TTC17: variants seen among roughly 807,000 people sequenced by gnomAD.
TTC17 encodes the protein tetratricopeptide repeat domain 17.
A neutral mutation model predicts 143.8 loss-of-function variants in TTC17; 58 were observed. That is an observed-to-expected ratio of 0.40 (90% CI 0.33 to 0.50). The LOEUF (loss-of-function observed/expected upper bound fraction) is 0.50, where lower values mean the gene tolerates loss of function less well. TTC17 is among the 20% of genes least tolerant of loss of function. The pLI is 0.49. For synonymous variants in TTC17, 501 were observed against 497.8 expected (o/e 1.01, Z -0.09); for missense variants, 1,273 against 1,392.5 (o/e 0.91, Z 1.37).
intron 15 of TTC17, among the ~76,000 whole-genome samples, chr11:43,408,235 T>G (rs1405930560): frequency 2.0e-5 from 3 of 152,350 alleles, no homozygotes; most frequent in Non-Finnish European, 4.4e-5. Flanking sequence ...TCTAAATGTT[T>G]ATAGGTTTTG....
In TTC17 at chr11:43,391,947, C is replaced by T; in HGVS notation, c.658C>T (p.Gln220Ter). Residue 220 changes from glutamine (Q) to a stop codon, truncating the protein, a stop_gained, in exon 5 of 24, where the codon CAG (glutamine) becomes TAG (stop). Coordinates refer to ENST00000039989, the MANE Select transcript of TTC17 (RefSeq NM_018259.6). LOFTEE classifies it high-confidence loss of function. ...DIGHLIHEGLQKNTSSWVLYN... is the reference protein window; with the variant it reads ...DIGHLIHEGL ...AGGTCACCTCATTCATGAAGGCCTA[C>T]AGAAGGTAAGTCATCAGTCACTTAA... 6.2e-7 allele frequency: 1 copy of T among 1,606,556 alleles called. No individual in the cohort carries two copies. Among genetic ancestry groups the T allele is most frequent in the Non-Finnish European group, 8.5e-7 (1 of 1,177,880 alleles).
intron 2 of TTC17, among the ~76,000 whole-genome samples, chr11:43,385,287 A>G (rs1022799514): frequency 2.6e-5 from 4 of 152,244 alleles, no homozygotes; most frequent in Non-Finnish European, 5.9e-5. Context: ...GTTTTCAAGT[A>G]GAATATTTAC....
intron 21 of TTC17, among the ~76,000 whole-genome samples, chr11:43,481,001 TA>T (rs1415925117): frequency 1.3e-5 from 2 of 151,836 alleles, no homozygotes; most frequent in Non-Finnish European, 2.9e-5. Flanking sequence ...TTTTTATGAC[TA>T]CATCTAAAAC....
At chr11:43,398,408 G>C (rs1179624163) in intron 8 of TTC17, among the ~76,000 whole-genome samples, 1 of 152,162 alleles carries the variant, frequency 6.6e-6, no homozygotes, top group East Asian at 1.9e-4. Context: ...CAGTTGGGGT[G>C]GGGAGACTGG....
Position 43,405,872 on chromosome 11 carries a change from A to G in TTC17, c.1682A>G (p.His561Arg), listed in dbSNP as rs762910948. Reference protein sequence around the residue: ...DCSITDFRKSHTLSYLVKELE... With the variant: ...DCSITDFRKSRTLSYLVKELE... ...TCCATAACTGACTTCAGAAAAAGCC[A>G]CACTCTGTCCTACTTAGTCAAAGAA... The change falls in exon 13 of 24, where the codon CAC becomes CGC. Residue 561 changes from histidine to arginine, a missense_variant. Physicochemically the swap from His to Arg is conservative, Grantham distance 29 (BLOSUM62 0). Around this residue, in one of 3 missense-constraint regions of TTC17, gnomAD observed 878 missense variants for 899.8 expected, o/e 0.98. Coordinates refer to ENST00000039989, the MANE Select transcript of TTC17 (RefSeq NM_018259.6). 3 of 1,613,968 alleles carry G rather than the reference A, an allele frequency of 1.9e-6. No individual in the cohort carries two copies. The highest frequency in any genetic ancestry group is 2.5e-6 in the Non-Finnish European group (3 of 1,179,958).
At chr11:43,456,982 A>AT (rs1429940858) in intron 21 of TTC17, among the ~76,000 whole-genome samples, 3 of 152,050 alleles carry the variant, frequency 2.0e-5, no homozygotes, top group Non-Finnish European at 2.9e-5. Context: ...CCATAAGCAT[A>AT]TGGCTTTTTC....
intron 16 of TTC17, among the ~76,000 whole-genome samples, chr11:43,429,313 G>C (rs1947099596): frequency 1.3e-5 from 2 of 152,166 alleles, no homozygotes; most frequent in Admixed American, 1.3e-4. Flanking sequence ...AGCCAAGGCA[G>C]GATTTGAATT....
intron 1 of TTC17, chr11:43,370,137 G>A (rs914806276): frequency 7.7e-5 from 35 of 454,030 alleles, no homozygotes; most frequent in Non-Finnish European, 1.0e-4. Context: ...TGCTATTTTT[G>A]CGAACCTGTA....
chr11:43,443,218 C>G, intron 16 of TTC17, 107 bp from the exon 17 acceptor site: 1 of 1,299,782 alleles, frequency 7.7e-7, no homozygotes, highest in Non-Finnish European at 1.1e-6. Flanking sequence ...TATAGTAGTG[C>G]CTCTAAGCAG....
At chr11:43,404,191 T>C in intron 11 of TTC17, 47 bp downstream of exon 11, 1 of 1,572,268 alleles carries the variant, frequency 6.4e-7, no homozygotes, top group South Asian at 1.2e-5. Flanking sequence ...ACTGGCAAGA[T>C]CCATTAAAGC....
Position 43,404,152 on chromosome 11 carries a change from A to T in TTC17, c.1479+8A>T, listed in dbSNP as rs1159740493. 6.3e-7 allele frequency: 1 copy of T among 1,598,534 alleles called. No homozygotes were observed. Among genetic ancestry groups the T allele is most frequent in the Admixed American group, 1.8e-5 (1 of 56,054 alleles). ...GACTCTGATGCATATAGGGTAAGTT[A>T]ATAGAGGATGACGAAGCAGTTTTCT... On this transcript the variant is annotated splice_region_variant and intron_variant, in intron 11 of 23. Coordinates refer to ENST00000039989, the MANE Select transcript of TTC17 (RefSeq NM_018259.6).
intron 19 of TTC17, 165 bp from the exon 20 acceptor site, chr11:43,449,917 A>C (rs1947624041): frequency 1.4e-6 from 1 of 739,630 alleles, no homozygotes; most frequent in Non-Finnish European, 2.1e-6. Context: ...GGAAGAAGAA[A>C]TCCTAGAAGA....
chr11:43,368,960 T>C (rs1375113950), intron 1 of TTC17, among the ~76,000 whole-genome samples: 1 of 152,248 alleles, frequency 6.6e-6, no homozygotes, highest in Non-Finnish European at 1.5e-5. Flanking sequence ...TGGACCTTTG[T>C]CCTTGCTTCT....
chr11:43,403,359 T>G (rs1012339847), intron 10 of TTC17, among the ~76,000 whole-genome samples: 2 of 152,294 alleles, frequency 1.3e-5, no homozygotes, highest in Non-Finnish European at 2.9e-5. Context: ...CCTTTTGTCT[T>G]TCCTACCCCA....
At chr11:43,402,895 G>C (rs986072216) in intron 10 of TTC17, among the ~76,000 whole-genome samples, 1 of 152,058 alleles carries the variant, frequency 6.6e-6, no homozygotes, top group African/African-American at 2.4e-5. Context: ...ATCTATAGGA[G>C]GACAAACCAC....
At chr11:43,414,909 G>A (rs1946743251) in intron 16 of TTC17, 133 bp downstream of exon 16, 3 of 929,046 alleles carry the variant, frequency 3.2e-6, no homozygotes, top group Admixed American at 3.0e-5. Flanking sequence ...CAGATGCATA[G>A]GAAAAGATGT....
At chr11:43,385,583 C>T (rs1363745681) in intron 2 of TTC17, 4 of 151,662 alleles carry the variant, frequency 2.6e-5, no homozygotes, top group Non-Finnish European at 5.9e-5. Context: ...TAGAAAAATG[C>T]ATTTATTAAA....
At chr11:43,425,467 A>G (rs891324835) in intron 16 of TTC17, among the ~76,000 whole-genome samples, 14 of 152,228 alleles carry the variant, frequency 9.2e-5, no homozygotes, top group African/African-American at 3.4e-4. Flanking sequence ...ATGAGTTCCT[A>G]GTTTTAGACT....
chr11:43,372,866 G>A (rs916575610), intron 1 of TTC17, among the ~76,000 whole-genome samples: 15 of 152,216 alleles, frequency 9.9e-5, no homozygotes, highest in South Asian at 6.2e-4. Flanking sequence ...TTTTAGTTAG[G>A]AACCTGGGTA....
Sources: gnomAD v4.1 joint callset for allele counts (sites outside exome capture counted in the v4.1 genomes callset) on GRCh38, gnomAD v4.1.1 for gene constraint, gnomAD v4.1.1 regional missense constraint, MANE v1.5 for transcripts, NCBI Gene and HGNC (gene_info 2026-07-23, HGNC 2026-07-21) for gene names.